The following RASSF6 variants were observed in gnomAD, a reference collection of about 807,000 sequenced individuals.
RASSF6 encodes Ras association domain family member 6.
RASSF6 carries 52 observed loss-of-function variants against 44.0 expected under a neutral mutation model. That is an observed-to-expected ratio of 1.18 (90% CI 0.95 to 1.49). The LOEUF is 1.49. Among genes scored for constraint, RASSF6 ranks in the 40% most tolerant of loss-of-function variants. The probability of loss-of-function intolerance (pLI) is 0.00; values close to 1 mark genes in which losing one functional copy is unlikely to be tolerated. For synonymous variants in RASSF6, 162 were observed against 124.6 expected, an observed-to-expected ratio of 1.30 and a Z score of -2.00; for missense variants, 464 against 393.3, an observed-to-expected ratio of 1.18 and a Z score of -1.52.
intron 4 of RASSF6, among the ~76,000 whole-genome samples, chr4:73,592,296 G>T (rs1724614969): frequency 6.6e-6 from 1 of 152,128 alleles, no homozygotes; most frequent in Non-Finnish European, 1.5e-5. Context: ...CCCTAGTTGT[G>T]GCCAAATATT....
In RASSF6 at chr4:73,576,073, A is replaced by G; in HGVS notation, c.*162T>C. ...TTTGTCCAACTGTGAACCCTAATTA[A>G]CCTCATCACTTCAAAAAGAAATGAG... On this transcript the variant is annotated 3_prime_UTR_variant, in exon 11 of 11. Transcript: ENST00000307439. 1 of 517,120 alleles carries G rather than the reference A, an allele frequency of 1.9e-6. No individual in the cohort carries two copies. Among genetic ancestry groups the G allele is most frequent in the Non-Finnish European group, 3.4e-6 (1 of 294,546 alleles). 32.0% of individuals were successfully genotyped at this position (517,120 alleles called of 1,614,324 possible).
intron 8 of RASSF6, among the ~76,000 whole-genome samples, chr4:73,581,590 A>G (rs1723650330): frequency 6.6e-6 from 1 of 152,218 alleles, no homozygotes; most frequent in South Asian, 2.1e-4. Flanking sequence ...CTGGCCAACA[A>G]GCAAACTCTT....
At chr4:73,586,731 T>G (rs1376570370) in intron 5 of RASSF6, among the ~76,000 whole-genome samples, 1 of 152,000 alleles carries the variant, frequency 6.6e-6, no homozygotes, top group Non-Finnish European at 1.5e-5. Context: ...GATGCCAAGA[T>G]ACTGGGATTT....
chr4:73,582,687 C>A (rs1723763006), intron 6 of RASSF6, among the ~76,000 whole-genome samples: 1 of 152,088 alleles, frequency 6.6e-6, no homozygotes, highest in South Asian at 2.1e-4. Flanking sequence ...TATTCCAAGG[C>A]TCTGTAGAAA....
chr4:73,586,554 A>G (rs1051682122), intron 5 of RASSF6, among the ~76,000 whole-genome samples: 4 of 151,850 alleles, frequency 2.6e-5, no homozygotes, highest in Non-Finnish European at 5.9e-5. Context: ...TCTCCTATGC[A>G]TATTCATATG....
rs552935183 is a variant in RASSF6 at position 73,587,596 on chromosome 4, A to G, written c.382+244T>C. Among the ~76,000 whole-genome samples, 55 of 152,066 alleles carry G rather than the reference A, an allele frequency of 3.6e-4. 2 individuals are homozygous for G. The highest frequency in any genetic ancestry group is 1.3e-3 in the African/African-American group (52 of 41,538). ...CTCCCTATTCTAATAAATCTAAGTG[A>G]CATAATATAATTTTTTTAAGAATTA... On this transcript the variant is annotated intron_variant, in intron 5 of 10. Transcript: ENST00000307439.
At chr4:73,582,844 G>A (rs66494307) in intron 6 of RASSF6, among the ~76,000 whole-genome samples, 42,246 of 150,784 alleles carry the variant, frequency 0.28, 6,093 homozygotes, top group Admixed American at 0.41. Context: ...CATGTAACAC[G>A]CACACACACA....
chr4:73,611,718 G>A lies in RASSF6; in HGVS notation c.65+13C>T, dbSNP rs1197831511. ...GTGAGTAGGACAATGTATAATATAA[G>A]GTGTGTGGTTACCTGGTTATGAATG... On this transcript the variant is annotated intron_variant, in intron 2 of 10. Coordinates refer to ENST00000307439, the MANE Select transcript of RASSF6 (RefSeq NM_177532.5). 8 of 1,534,110 alleles carry A rather than the reference G, an allele frequency of 5.2e-6. No individual in the cohort carries two copies. The highest frequency in any genetic ancestry group is 1.4e-5 in the African/African-American group (1 of 73,182).
intron 5 of RASSF6, among the ~76,000 whole-genome samples, chr4:73,585,624 T>C (rs947311701): frequency 4.0e-5 from 6 of 151,212 alleles, no homozygotes; most frequent in African/African-American, 1.2e-4. Flanking sequence ...TGATCATGTT[T>C]GGGGTTTGGG....
chr4:73,591,779 C>T (rs114354017), intron 4 of RASSF6, among the ~76,000 whole-genome samples: 3,824 of 152,114 alleles, frequency 0.025, 62 homozygotes, highest in Non-Finnish European at 0.041. Flanking sequence ...GTAATTTAAC[C>T]ACAGGCTTCT....
At chr4:73,603,991 AT>A (rs1466843572) in intron 2 of RASSF6, 1 of 152,148 alleles carries the variant, frequency 6.6e-6, no homozygotes, top group African/African-American at 2.4e-5. Context: ...AAGCATAAAT[AT>A]TGTCATATGC....
At chr4:73,615,222 A>G (rs1560463960) in intron 1 of RASSF6, among the ~76,000 whole-genome samples, 2 of 151,950 alleles carry the variant, frequency 1.3e-5, no homozygotes, top group Admixed American at 1.3e-4. Flanking sequence ...AACAAACAAA[A>G]ACAATGAAGT....
intron 2 of RASSF6, among the ~76,000 whole-genome samples, chr4:73,601,186 C>T (rs1054662855): frequency 6.6e-6 from 1 of 152,182 alleles, no homozygotes; most frequent in African/African-American, 2.4e-5. Context: ...CTGAATAGAG[C>T]CTGACTAAAT....
chr4:73,585,297 G>C lies in RASSF6; in HGVS notation c.450C>G (p.Leu150=). Residue 150 remains leucine (L), a synonymous_variant, in exon 6 of 11, where the codon CTC becomes CTG. Transcript: ENST00000307439. Reference sequence around the variant, plus strand: ...GAGCTGCTTCACTCATGGTTCTATAGAGCACTGGGGAGTCTGGTTCATCCT... The same window carrying C: ...GAGCTGCTTCACTCATGGTTCTATACAGCACTGGGGAGTCTGGTTCATCCT... ...HAKDEPDSPV[L]YRTMSEAALV... The C allele has an allele frequency of 6.2e-7, 1 of 1,612,020 alleles. No individual in the cohort carries two copies. Among genetic ancestry groups the C allele is most frequent in the Non-Finnish European group, 8.5e-7 (1 of 1,178,770 alleles).
At chr4:73,613,389 T>G (rs1364181093) in intron 1 of RASSF6, among the ~76,000 whole-genome samples, 1 of 152,190 alleles carries the variant, frequency 6.6e-6, no homozygotes, top group Non-Finnish European at 1.5e-5. Flanking sequence ...TCACAGGATT[T>G]GGTCTGGGCA....
chr4:73,577,002 A>G (rs2149361440), intron 8 of RASSF6, among the ~76,000 whole-genome samples: 1 of 152,326 alleles, frequency 6.6e-6, no homozygotes, highest in South Asian at 2.1e-4. Flanking sequence ...TAGGCCTTTT[A>G]TAAAGCAATA....
At chr4:73,617,678 T>G (rs1385572124) in intron 1 of RASSF6, among the ~76,000 whole-genome samples, 1 of 152,248 alleles carries the variant, frequency 6.6e-6, no homozygotes. Context: ...AGACACTTCA[T>G]GTTCTACTCC....
intron 8 of RASSF6, among the ~76,000 whole-genome samples, chr4:73,580,443 G>A (rs879925155): frequency 0.013 from 1,921 of 150,290 alleles, 15 homozygotes; most frequent in Non-Finnish European, 0.019. Flanking sequence ...CTGAGGAATC[G>A]CCACACTGAC....
At chr4:73,597,623 A>G (rs575548774) in intron 3 of RASSF6, among the ~76,000 whole-genome samples, 1 of 152,236 alleles carries the variant, frequency 6.6e-6, no homozygotes, top group Non-Finnish European at 1.5e-5. Context: ...ATTACTGGGT[A>G]TATACCCAAT....
Sources: allele counts gnomAD v4.1 joint callset (sites outside exome capture counted in the v4.1 genomes callset), GRCh38; gene constraint gnomAD v4.1.1; transcripts MANE v1.5; gene names NCBI Gene and HGNC (gene_info 2026-07-23, HGNC 2026-07-21).